Variants in DCUN1D4 observed in about 807,000 individuals in gnomAD.
DCUN1D4 encodes the protein DCN1-like protein 4.
DCUN1D4 carries 22 observed loss-of-function variants against 47.9 expected under a neutral mutation model. The observed-to-expected ratio is 0.46, with a 90% CI of 0.33 to 0.66. The LOEUF is 0.66. DCUN1D4 is among the 30% of genes least tolerant of loss of function. The probability of loss-of-function intolerance (pLI) is 0.02; values close to 1 mark genes in which losing one functional copy is unlikely to be tolerated. For missense variants in DCUN1D4, 301 were observed against 340.8 expected, an observed-to-expected ratio of 0.88 and a Z score of 0.92; for synonymous variants, 121 against 112.2, an observed-to-expected ratio of 1.08 and a Z score of -0.50.
At chr4:51,849,989 G>A (rs551523310) in intron 1 of DCUN1D4, among the ~76,000 whole-genome samples, 4 of 152,144 alleles carry the variant, frequency 2.6e-5, no homozygotes, top group East Asian at 3.9e-4. Flanking sequence ...TTTAAGTGTT[G>A]TTGGGTGAAT....
At chr4:51,910,340 T>A (rs1209383553) in intron 8 of DCUN1D4, among the ~76,000 whole-genome samples, 3 of 152,204 alleles carry the variant, frequency 2.0e-5, no homozygotes, top group Non-Finnish European at 4.4e-5. Context: ...TATTTAGGTT[T>A]ATGTTCTTAT....
At chr4:51,879,995 G>T (rs1481066181) in intron 5 of DCUN1D4, among the ~76,000 whole-genome samples, 1 of 152,180 alleles carries the variant, frequency 6.6e-6, no homozygotes, top group Non-Finnish European at 1.5e-5. Flanking sequence ...TAAGTCCTTC[G>T]TTTTAACTGA....
intron 6 of DCUN1D4, among the ~76,000 whole-genome samples, chr4:51,889,122 A>G (rs1459227134): frequency 6.6e-6 from 1 of 152,204 alleles, no homozygotes; most frequent in African/African-American, 2.4e-5. Flanking sequence ...AAAGAAAAAA[A>G]AGAGAGAATA....
chr4:51,901,783 C>A (rs1425591696), intron 8 of DCUN1D4, among the ~76,000 whole-genome samples: 1 of 152,160 alleles, frequency 6.6e-6, no homozygotes, highest in East Asian at 1.9e-4. Context: ...TTTGTACATC[C>A]TTTGTTTTAA....
At position 51,864,497 on chromosome 4, in the gene DCUN1D4, A is replaced by G. The variant is rs530258458; in HGVS notation, c.136+788A>G. Among the ~76,000 whole-genome samples, 3 of 152,340 alleles carry G rather than the reference A, an allele frequency of 2.0e-5. No individual in the cohort carries two copies. The South Asian group carries it at 6.2e-4, about 32-fold the overall frequency. On this transcript the variant is annotated intron_variant, in intron 3 of 10. Coordinates refer to ENST00000334635, the MANE Select transcript of DCUN1D4 (RefSeq NM_001040402.3). Reference sequence around the variant, plus strand: ...TGGGCTGCTGTAACAAAAATACCTTAAACTGAGTAGTTTATAAACAATAGA... The same window carrying G: ...TGGGCTGCTGTAACAAAAATACCTTGAACTGAGTAGTTTATAAACAATAGA...
At chr4:51,877,701 A>T in intron 4 of DCUN1D4, 62 bp from the exon 5 acceptor site, 1 of 989,544 alleles carries the variant, frequency 1.0e-6, no homozygotes, top group South Asian at 1.5e-5. Context: ...AATATAAATT[A>T]TCTGCTACTT....
chr4:51,881,309 A>G (rs147784482), intron 5 of DCUN1D4, among the ~76,000 whole-genome samples: 2 of 152,364 alleles, frequency 1.3e-5, no homozygotes, highest in East Asian at 3.9e-4. Context: ...GTAGGCCCTT[A>G]GTCTATTTTG....
intron 1 of DCUN1D4, chr4:51,844,790 C>G: frequency 3.1e-6 from 3 of 979,728 alleles, no homozygotes; most frequent in Non-Finnish European, 3.6e-6. Flanking sequence ...GACTTGTAGT[C>G]GCGGCCGCGC....
chr4:51,908,834 T>C, intron 8 of DCUN1D4: 1 of 453,180 alleles, frequency 2.2e-6, no homozygotes, highest in Non-Finnish European at 4.4e-6. Flanking sequence ...TAGCCACAAG[T>C]CCACTCACAG....
intron 8 of DCUN1D4, among the ~76,000 whole-genome samples, chr4:51,906,829 T>C (rs1444118162): frequency 1.3e-5 from 2 of 152,194 alleles, no homozygotes; most frequent in African/African-American, 4.8e-5. Context: ...TCCTTACTTC[T>C]GAGGGAAGCA....
In DCUN1D4 at chr4:51,914,283, AATT is replaced by A. The variant is rs1157762744; in HGVS notation, c.*700_*702del. ...GCTTGAATATAGGTACCAATGAACA[AATT>A]CAAATTGCACCTCTTTTCTTAAAAG... On this transcript the variant is annotated 3_prime_UTR_variant, in exon 11 of 11. Transcript: ENST00000334635. The A allele has an allele frequency of 2.6e-5, 4 of 152,188 alleles. No homozygotes were observed. The highest frequency in any genetic ancestry group is 5.9e-5 in the Non-Finnish European group (4 of 68,024). 9.4% of individuals were successfully genotyped at this position (152,188 alleles called of 1,614,324 possible).
intron 6 of DCUN1D4, 33 bp from the exon 7 acceptor site, chr4:51,891,726 TA>T (rs766445161): frequency 1.7e-5 from 25 of 1,484,230 alleles, no homozygotes; most frequent in South Asian, 7.2e-5. Flanking sequence ...TTGTGTAATA[TA>T]TTTTTTTTTA....
At chr4:51,854,191 A>G (rs1723790046) in intron 1 of DCUN1D4, among the ~76,000 whole-genome samples, 1 of 152,230 alleles carries the variant, frequency 6.6e-6, no homozygotes, top group Non-Finnish European at 1.5e-5. Flanking sequence ...GACCTGTGCC[A>G]TGTCATGTAG....
chr4:51,870,981 C>T (rs1040837918), intron 3 of DCUN1D4, among the ~76,000 whole-genome samples: 1 of 151,944 alleles, frequency 6.6e-6, no homozygotes, highest in Admixed American at 6.6e-5. Flanking sequence ...CTGAGTTTGC[C>T]TCATCCTCCT....
intron 8 of DCUN1D4, among the ~76,000 whole-genome samples, chr4:51,899,705 A>C (rs1731810078): frequency 6.6e-6 from 1 of 152,256 alleles, no homozygotes; most frequent in East Asian, 1.9e-4. Flanking sequence ...AGAACAACAA[A>C]CCTTCTCCTG....
chr4:51,855,337 C>T (rs1010877321), intron 1 of DCUN1D4, among the ~76,000 whole-genome samples: 1 of 152,052 alleles, frequency 6.6e-6, no homozygotes, highest in African/African-American at 2.4e-5. Context: ...ATACTGAAAC[C>T]ATTGAATTTT....
chr4:51,890,721 C>T (rs1239626381), intron 6 of DCUN1D4, among the ~76,000 whole-genome samples: 1 of 152,200 alleles, frequency 6.6e-6, no homozygotes, highest in Non-Finnish European at 1.5e-5. Flanking sequence ...TCCTCCTGTC[C>T]TAATCAGGCA....
chr4:51,844,520 G>A, intron 1 of DCUN1D4: 1 of 494,888 alleles, frequency 2.0e-6, no homozygotes, highest in Non-Finnish European at 2.6e-6. Context: ...GGGGCTTGGC[G>A]CCGGGGAGGT....
chr4:51,854,498 T>C (rs773808870), intron 1 of DCUN1D4, among the ~76,000 whole-genome samples: 3 of 152,226 alleles, frequency 2.0e-5, no homozygotes, highest in African/African-American at 4.8e-5. Flanking sequence ...GCAAAACTAA[T>C]AGCAGCATTT....
Sources: allele counts gnomAD v4.1 joint callset (sites outside exome capture counted in the v4.1 genomes callset), GRCh38; gene constraint gnomAD v4.1.1; transcripts MANE v1.5; gene names NCBI Gene and HGNC (gene_info 2026-07-23, HGNC 2026-07-21).